The following AGBL4 variants were observed in gnomAD, a reference collection of about 807,000 sequenced individuals.
The protein encoded by AGBL4 is cytosolic carboxypeptidase 6.
In AGBL4, 58 loss-of-function variants were observed where a neutral mutation model predicts 66.4. The ratio of observed to expected loss-of-function variants is 0.87; its 90% CI spans 0.71 to 1.09. The LOEUF is 1.09. Ranked by LOEUF, AGBL4 falls within the 50% of genes least tolerant of loss-of-function variation. The pLI, the probability that AGBL4 is intolerant of heterozygous loss-of-function variation, is 0.00. For synonymous variants in AGBL4, 234 were observed against 222.9 expected (o/e 1.05, Z -0.44); for missense variants, 579 against 631.0 (o/e 0.92, Z 0.88).
At chr1:49,988,208 C>T (rs1176744514) in intron 1 of AGBL4, among the ~76,000 whole-genome samples, 1 of 151,948 alleles carries the variant, frequency 6.6e-6, no homozygotes, top group African/African-American at 2.4e-5. Flanking sequence ...AAACCTGAAG[C>T]GAATAAAAAT....
chr1:49,209,781 A>C (rs557970552), intron 4 of AGBL4, among the ~76,000 whole-genome samples: 2 of 152,244 alleles, frequency 1.3e-5, no homozygotes, highest in East Asian at 1.9e-4. Context: ...AAAAGGATCA[A>C]CATAATCTGA....
intron 9 of AGBL4, among the ~76,000 whole-genome samples, chr1:48,607,775 C>CA (rs971654486): frequency 6.6e-6 from 1 of 152,192 alleles, no homozygotes. Flanking sequence ...CACTTGCATA[C>CA]AAAACCACAA....
intron 9 of AGBL4, among the ~76,000 whole-genome samples, chr1:48,617,356 G>T (rs1462851212): frequency 6.6e-6 from 1 of 152,128 alleles, no homozygotes; most frequent in Non-Finnish European, 1.5e-5. Context: ...CTAAACACTG[G>T]TGCTGATTGC....
intron 1 of AGBL4, among the ~76,000 whole-genome samples, chr1:50,004,859 A>T (rs1572044495): frequency 6.6e-6 from 1 of 151,256 alleles, no homozygotes; most frequent in Admixed American, 6.6e-5. Context: ...ACAGGGAGGG[A>T]CTCCTTCTAC....
At chr1:49,004,964 C>G (rs1455048663) in intron 5 of AGBL4, among the ~76,000 whole-genome samples, 2 of 152,170 alleles carry the variant, frequency 1.3e-5, no homozygotes, top group African/African-American at 4.8e-5. Flanking sequence ...TTGATGAGCA[C>G]TGTTTCTCAC....
At position 49,270,323 on chromosome 1, in the gene AGBL4, C is replaced by T. The variant is rs55669945; in HGVS notation, c.283-24459G>A. On this transcript the variant is annotated intron_variant, in intron 3 of 13. Transcript: ENST00000371839. ...CCTTGTGACCAAGTAGGAGCTCTCT[C>T]TCTTGGTTTCCACCATCGGGGGGAC... Among the ~76,000 whole-genome samples, 931 of 152,290 alleles carry T rather than the reference C, an allele frequency of 6.1e-3. 8 individuals are homozygous for T. Among genetic ancestry groups the T allele is most frequent in the Non-Finnish European group, 0.011 (724 of 68,034 alleles).
intron 3 of AGBL4, among the ~76,000 whole-genome samples, chr1:49,431,365 C>A (rs540204358): frequency 2.1e-4 from 32 of 152,130 alleles, no homozygotes; most frequent in Non-Finnish European, 3.8e-4. Context: ...AAAATAACAT[C>A]TTTGATTAGA....
chr1:49,556,972 G>GGCGGTGCCT (rs1643918187), intron 3 of AGBL4, among the ~76,000 whole-genome samples: 1 of 152,162 alleles, frequency 6.6e-6, no homozygotes, highest in Non-Finnish European at 1.5e-5. Context: ...GCCTGGGGCC[G>GGCGGTGCCT]GCGGTGCCTG....
intron 3 of AGBL4, among the ~76,000 whole-genome samples, chr1:49,681,099 T>A (rs1646684377): frequency 6.6e-6 from 1 of 152,146 alleles, no homozygotes; most frequent in Admixed American, 6.6e-5. Context: ...TTACTGAAAC[T>A]GTGTTTTGCA....
intron 2 of AGBL4, among the ~76,000 whole-genome samples, chr1:49,759,339 A>G (rs1414024679): frequency 6.6e-6 from 1 of 152,218 alleles, no homozygotes; most frequent in African/African-American, 2.4e-5. Flanking sequence ...GTCCAAAGTA[A>G]GAGACATTCT....
intron 6 of AGBL4, among the ~76,000 whole-genome samples, chr1:48,734,729 A>T (rs1648744504): frequency 6.6e-6 from 1 of 152,156 alleles, no homozygotes; most frequent in South Asian, 2.1e-4. Context: ...CACCTCCTCA[A>T]ACAGACCTTC....
chr1:49,823,037 T>C (rs1208672146), intron 2 of AGBL4, among the ~76,000 whole-genome samples: 2 of 152,212 alleles, frequency 1.3e-5, no homozygotes, highest in African/African-American at 4.8e-5. Context: ...TGACAGACTT[T>C]GGGAACAGTG....
chr1:49,957,272 C>G (rs1441427012), intron 1 of AGBL4, among the ~76,000 whole-genome samples: 1 of 152,052 alleles, frequency 6.6e-6, no homozygotes, highest in Non-Finnish European at 1.5e-5. Flanking sequence ...GACTGCTTTA[C>G]CTCCAACTAT....
Position 49,773,442 on chromosome 1 carries a change from CT to C in AGBL4, c.158-76006del, listed in dbSNP as rs1173437227. ...CCATTTTATGGAGTAGCTTTGGTAG[CT>C]TTTCCTGTAGATGGACCCTAGGGTG... On this transcript the variant is annotated intron_variant, in intron 2 of 13. Transcript: ENST00000371839. Among the ~76,000 whole-genome samples, 7 of 152,248 alleles carry C rather than the reference CT, an allele frequency of 4.6e-5. No individual in the cohort carries two copies. The South Asian group carries it at 1.5e-3, about 32-fold the overall frequency.
chr1:49,252,102 G>T (rs1357741820), intron 3 of AGBL4, among the ~76,000 whole-genome samples: 5 of 152,212 alleles, frequency 3.3e-5, no homozygotes, highest in African/African-American at 7.2e-5. Flanking sequence ...GGATAGGAAT[G>T]AAGATCATTG....
intron 8 of AGBL4, among the ~76,000 whole-genome samples, chr1:48,643,345 T>C (rs1645787300): frequency 6.6e-6 from 1 of 152,162 alleles, no homozygotes; most frequent in Non-Finnish European, 1.5e-5. Flanking sequence ...ACCTACCCAC[T>C]TAGCTGGCAC....
chr1:49,921,747 T>C (rs962287373), intron 1 of AGBL4, among the ~76,000 whole-genome samples: 2 of 152,134 alleles, frequency 1.3e-5, no homozygotes, highest in African/African-American at 4.8e-5. Flanking sequence ...GCATCCAGCA[T>C]GGGAAAAAGA....
chr1:48,694,996 C>G (rs1646692814), intron 6 of AGBL4, among the ~76,000 whole-genome samples: 1 of 152,226 alleles, frequency 6.6e-6, no homozygotes, highest in South Asian at 2.1e-4. Context: ...TCCAGTTACA[C>G]TCCTCCCCAC....
At chr1:49,275,889 A>G (rs951706992) in intron 3 of AGBL4, among the ~76,000 whole-genome samples, 1 of 152,156 alleles carries the variant, frequency 6.6e-6, no homozygotes, top group African/African-American at 2.4e-5. Context: ...AATAACATGT[A>G]TTACCAGTCA....
Sources: allele counts gnomAD v4.1 joint callset (sites outside exome capture counted in the v4.1 genomes callset), GRCh38; gene constraint gnomAD v4.1.1; transcripts MANE v1.5; gene names NCBI Gene and HGNC (gene_info 2026-07-23, HGNC 2026-07-21).